Variants in CHD7 observed in about 807,000 individuals in gnomAD.
CHD7 encodes the protein chromodomain helicase DNA binding protein 7.
Under a neutral mutation model 307.3 loss-of-function variants are expected in CHD7, and 24 were observed. The observed-to-expected ratio is 0.08, with a 90% CI of 0.06 to 0.11. The LOEUF is 0.11. CHD7 is among the 10% of genes least tolerant of loss of function. The pLI is 1.00. For missense variants in CHD7, 3,106 were observed against 3,727.1 expected, an observed-to-expected ratio of 0.83 and a Z score of 4.34; for synonymous variants, 1,363 against 1,349.9, an observed-to-expected ratio of 1.01 and a Z score of -0.21.
chr8:60,824,046 A>G lies in CHD7; in HGVS notation c.3378+30A>G, dbSNP rs775916196. 6 of 1,589,366 alleles carry G rather than the reference A, an allele frequency of 3.8e-6. No homozygotes were observed. The Admixed American group carries it at 5.1e-5, about 13-fold the overall frequency. On this transcript the variant is annotated intron_variant, in intron 13 of 37. Coordinates refer to ENST00000423902, the MANE Select transcript of CHD7 (RefSeq NM_017780.4). ...GTGACCATATTGGTGATTGCACTGA[A>G]CCTGAATAGAATTGTTGCTGACTTG...
chr8:60,819,106 A>G (rs1803896730), intron 8 of CHD7, among the ~76,000 whole-genome samples: 1 of 152,134 alleles, frequency 6.6e-6, no homozygotes, highest in African/African-American at 2.4e-5. Context: ...GGCACCTGCC[A>G]TCATGCCCAG....
intron 7 of CHD7, among the ~76,000 whole-genome samples, chr8:60,814,787 T>G (rs975597950): frequency 6.6e-6 from 1 of 152,236 alleles, no homozygotes; most frequent in Non-Finnish European, 1.5e-5. Context: ...AATAAAATAC[T>G]TGCAGTCCTA....
intron 1 of CHD7, among the ~76,000 whole-genome samples, chr8:60,684,332 C>T (rs1340993323): frequency 6.6e-6 from 1 of 152,104 alleles, no homozygotes; most frequent in African/African-American, 2.4e-5. Flanking sequence ...GATTAGTCTT[C>T]CTGTTTCATC....
At chr8:60,749,144 G>A (rs1648497069) in intron 2 of CHD7, among the ~76,000 whole-genome samples, 1 of 151,720 alleles carries the variant, frequency 6.6e-6, no homozygotes, top group Admixed American at 6.6e-5. Context: ...AGGTCGAGGT[G>A]GGTGGATCAC....
chr8:60,851,141 T>A, intron 27 of CHD7, 37 bp downstream of exon 27: 1 of 1,493,474 alleles, frequency 6.7e-7, no homozygotes, highest in Non-Finnish European at 9.1e-7. Flanking sequence ...ATAGCTCCAT[T>A]AAAATATTAT....
rs77939395 is a variant in CHD7, at chr8:60,745,826, G to T, written c.1665+2729G>T. 4.7e-3 allele frequency among the ~76,000 whole-genome samples: 723 copies of T among 152,230 alleles called. 2 individuals are homozygous for T. Among genetic ancestry groups the T allele is most frequent in the African/African-American group, 0.016 (681 of 41,530 alleles). ...AAGGATTTAACTTCTCTTTACCTCA[G>T]ATTTTTCATTAGTTAAGCAGGAAAA... On this transcript the variant is annotated intron_variant, in intron 2 of 37. Transcript: ENST00000423902.
At chr8:60,825,768 T>G (rs1563633989) in intron 13 of CHD7, among the ~76,000 whole-genome samples, 1 of 152,220 alleles carries the variant, frequency 6.6e-6, no homozygotes, top group Non-Finnish European at 1.5e-5. Context: ...AAATTCTTAC[T>G]GTAAAACATT....
chr8:60,683,706 C>G (rs1805742485), intron 1 of CHD7, among the ~76,000 whole-genome samples: 1 of 152,198 alleles, frequency 6.6e-6, no homozygotes, highest in Non-Finnish European at 1.5e-5. Flanking sequence ...GAGCTTATCT[C>G]AGTTACAGTT....
intron 34 of CHD7, among the ~76,000 whole-genome samples, chr8:60,857,842 A>G (rs1408797891): frequency 2.0e-5 from 3 of 152,258 alleles, no homozygotes; most frequent in African/African-American, 7.2e-5. Context: ...GCTTAATAAG[A>G]TGGCAGGAAA....
intron 34 of CHD7, among the ~76,000 whole-genome samples, chr8:60,860,556 T>C (rs1386865892): frequency 6.6e-6 from 1 of 152,254 alleles, no homozygotes; most frequent in African/African-American, 2.4e-5. Flanking sequence ...TGCCCCAGCC[T>C]CCCAGGTAGC....
At chr8:60,735,328 T>C (rs1300289864) in intron 1 of CHD7, among the ~76,000 whole-genome samples, 1 of 152,212 alleles carries the variant, frequency 6.6e-6, no homozygotes, top group Non-Finnish European at 1.5e-5. Context: ...GTGGTTTTCC[T>C]TATTAAAAAT....
chr8:60,851,233 G>A (rs1805443039), intron 27 of CHD7, 29 bp from the exon 28 acceptor site: 1 of 1,546,178 alleles, frequency 6.5e-7, no homozygotes, highest in Non-Finnish European at 8.8e-7. Flanking sequence ...CCAAATTAAA[G>A]TAATTCTGTT....
chr8:60,751,429 TA>T (rs1239865134), intron 2 of CHD7, among the ~76,000 whole-genome samples: 4 of 152,186 alleles, frequency 2.6e-5, no homozygotes, highest in Non-Finnish European at 4.4e-5. Context: ...GGAAGTGGGT[TA>T]GGGGGACAAT....
At position 60,819,996 on chromosome 8, in the gene CHD7, C is replaced by A. The variant is rs1227614158; in HGVS notation, c.2614-11C>A. ...GTAAACCTTTAACTTTTTTTTTTCC[C>A]TTTGGTGTAGATTGAGGATGAGCTT... On this transcript the variant is annotated splice_polypyrimidine_tract_variant and intron_variant, in intron 8 of 37. Transcript: ENST00000423902. The A allele has an allele frequency of 1.9e-6, 3 of 1,572,848 alleles. No homozygotes were observed. Among genetic ancestry groups the A allele is most frequent in the Non-Finnish European group, 1.7e-6 (2 of 1,152,170 alleles).
intron 32 of CHD7, 85 bp from the exon 33 acceptor site, chr8:60,855,890 C>T: frequency 2.3e-6 from 2 of 881,438 alleles, no homozygotes; most frequent in Non-Finnish European, 3.6e-6. Context: ...ATTTTATGCT[C>T]TTTTGCATCT....
At chr8:60,725,751 T>C (rs930705075) in intron 1 of CHD7, among the ~76,000 whole-genome samples, 1 of 152,214 alleles carries the variant, frequency 6.6e-6, no homozygotes, top group African/African-American at 2.4e-5. Context: ...CAGACCTGTT[T>C]AGGAGTAAAG....
At chr8:60,762,216 G>A (rs1810248663) in intron 2 of CHD7, among the ~76,000 whole-genome samples, 1 of 152,176 alleles carries the variant, frequency 6.6e-6, no homozygotes, top group Non-Finnish European at 1.5e-5. Context: ...TCCAGGCACA[G>A]TGAACTGATT....
At position 60,822,716 on chromosome 8, in the gene CHD7, G is replaced by A; in HGVS notation, c.3171G>A (p.Gln1057=). 6.2e-7 allele frequency: 1 copy of A among 1,612,150 alleles called. No homozygotes were observed. Among genetic ancestry groups the A allele is most frequent in the African/African-American group, 1.3e-5 (1 of 74,978 alleles). Residue 1057 remains glutamine (Q), a synonymous_variant, in exon 12 of 38, where the codon CAG becomes CAA. Transcript: ENST00000423902. The stretch of plus-strand genomic sequence containing the variant: ...GTCAAGCTAGTCGTCGGACCATTCA[G>A]TTGTATGAAATGTACTTCAAAGATC... ...HGSQASRRTI[Q]LYEMYFKDPQ...
At chr8:60,842,399 C>G (rs1805013598) in intron 21 of CHD7, among the ~76,000 whole-genome samples, 1 of 152,160 alleles carries the variant, frequency 6.6e-6, no homozygotes. Context: ...AAATTTATGA[C>G]TGTCGTAAGC....
Sources: allele counts gnomAD v4.1 joint callset (sites outside exome capture counted in the v4.1 genomes callset), GRCh38; gene constraint gnomAD v4.1.1; transcripts MANE v1.5; gene names NCBI Gene and HGNC (gene_info 2026-07-23, HGNC 2026-07-21).